CFL2: variants seen among roughly 807,000 people sequenced by gnomAD.
CFL2 encodes the protein cofilin-2.
CFL2 carries 10 observed loss-of-function variants against 19.6 expected under a neutral mutation model. That is an observed-to-expected ratio of 0.51 (90% CI 0.31 to 0.86). CFL2 has a LOEUF of 0.86. Ranked by LOEUF, CFL2 falls within the 40% of genes least tolerant of loss-of-function variation. CFL2 has a pLI of 0.04. For synonymous variants in CFL2, 63 were observed against 66.7 expected, an observed-to-expected ratio of 0.95 and a Z score of 0.27; for missense variants, 125 against 192.1, an observed-to-expected ratio of 0.65 and a Z score of 2.06.
At chr14:34,713,921 T>C (rs1885407021) in intron 1 of CFL2, 3 of 1,037,974 alleles carry the variant, frequency 2.9e-6, no homozygotes, top group Non-Finnish European at 2.7e-6. Context: ...AAAACACTTT[T>C]GGATTTCAGT....
rs929060891 is a variant in CFL2, at chr14:34,710,234, C to T, written c.*2631G>A. On this transcript the variant is annotated 3_prime_UTR_variant, in exon 4 of 4. Transcript: ENST00000298159. ...AACAGCTGATAGCCAGTTTGGGACA[C>T]ATGCCAACTGTTCCCATTTGTCTGA... The T allele has an allele frequency of 8.7e-5, 19 of 219,202 alleles. No individual in the cohort carries two copies. Among genetic ancestry groups the T allele is most frequent in the Non-Finnish European group, 6.5e-5 (7 of 108,148 alleles). 13.6% of individuals were successfully genotyped at this position (219,202 alleles called of 1,614,324 possible).
rs1489939381 is a variant in CFL2 at position 34,713,760 on chromosome 14, C to T, written c.4-199G>A. The stretch of plus-strand genomic sequence containing the variant: ...AGTCTAACTCATCCTGCCCATTCAT[C>T]CTTCTTAAAGGGGTTTGGACGTGGA... On this transcript the variant is annotated intron_variant, in intron 1 of 3. Coordinates refer to ENST00000298159, the MANE Select transcript of CFL2 (RefSeq NM_138638.5). 7 of 1,611,792 alleles carry T rather than the reference C, an allele frequency of 4.3e-6. No individual in the cohort carries two copies. The African/African-American group carries it at 8.0e-5, about 18-fold the overall frequency.
chr14:34,712,791 C>T lies in CFL2; in HGVS notation c.*74G>A, dbSNP rs1269653357. ...GGGGAAATACAACAAAAAACCAAAA[C>T]CTAATACTATTCCAATGGACTGAGC... On this transcript the variant is annotated 3_prime_UTR_variant, in exon 4 of 4. Coordinates refer to ENST00000298159, the MANE Select transcript of CFL2 (RefSeq NM_138638.5). The T allele has an allele frequency of 4.5e-6, 4 of 889,682 alleles. No individual in the cohort carries two copies. Among genetic ancestry groups the T allele is most frequent in the Non-Finnish European group, 7.7e-6 (4 of 518,788 alleles). 55.1% of individuals were successfully genotyped at this position (889,682 alleles called of 1,614,324 possible).
chr14:34,710,534 G>A lies in CFL2; in HGVS notation c.*2331C>T, dbSNP rs770890609. ...CTTCAATATTTTACTAATTAGCACC[G>A]TATACCTTTTAAAGCTAACTGGAAC... On this transcript the variant is annotated 3_prime_UTR_variant, in exon 4 of 4. Coordinates refer to ENST00000298159, the MANE Select transcript of CFL2 (RefSeq NM_138638.5). 3.0e-5 allele frequency: 13 copies of A among 440,076 alleles called. No homozygotes were observed. Among genetic ancestry groups the A allele is most frequent in the South Asian group, 1.3e-4 (8 of 60,444 alleles). 27.3% of individuals were successfully genotyped at this position (440,076 alleles called of 1,614,324 possible).
At chr14:34,714,019 C>T (rs1290183349) in intron 1 of CFL2, among the ~76,000 whole-genome samples, 1 of 152,168 alleles carries the variant, frequency 6.6e-6, no homozygotes, top group East Asian at 1.9e-4. Flanking sequence ...AACTCCAAAC[C>T]GCCCACGGCC....
In CFL2 at chr14:34,712,815, G is replaced by A. The variant is rs775818350; in HGVS notation, c.*50C>T. On this transcript the variant is annotated 3_prime_UTR_variant, in exon 4 of 4. Transcript: ENST00000298159. Reference sequence around the variant, plus strand: ...ACCTAATACTATTCCAATGGACTGAGCTGGAGAAATGGAAGCTCCTTAAGA... The same window carrying A: ...ACCTAATACTATTCCAATGGACTGAACTGGAGAAATGGAAGCTCCTTAAGA... 6 of 1,018,090 alleles carry A rather than the reference G, an allele frequency of 5.9e-6. No individual in the cohort carries two copies. The highest frequency in any genetic ancestry group is 9.4e-6 in the Non-Finnish European group (6 of 635,102). 63.1% of individuals were successfully genotyped at this position (1,018,090 alleles called of 1,614,324 possible).
intron 1 of CFL2, chr14:34,714,329 C>T (rs562404458): frequency 5.1e-6 from 4 of 776,922 alleles, no homozygotes; most frequent in Non-Finnish European, 7.2e-6. Flanking sequence ...GACGCCCGGG[C>T]CCTCCCCGCC....
chr14:34,714,574 G>C lies in CFL2; in HGVS notation c.-34C>G. 1 of 1,560,896 alleles carries C rather than the reference G, an allele frequency of 6.4e-7. No homozygotes were observed. The highest frequency in any genetic ancestry group is 8.7e-7 in the Non-Finnish European group (1 of 1,151,292). On this transcript the variant is annotated 5_prime_UTR_variant, in exon 1 of 4. Transcript: ENST00000298159. ...CGGCTGTGGCTGCGGCGGCAGCTCGGGCTTCGGCTCTGTGGCACTGGGAGG... is the reference window on the plus strand; with the variant it reads ...CGGCTGTGGCTGCGGCGGCAGCTCGCGCTTCGGCTCTGTGGCACTGGGAGG...
chr14:34,713,754 AT>A, intron 1 of CFL2, 193 bp from the exon 2 acceptor site: 1 of 1,612,030 alleles, frequency 6.2e-7, no homozygotes, highest in Non-Finnish European at 8.5e-7. Context: ...CATCCTGCCC[AT>A]TCATCCTTCT....
intron 1 of CFL2, 185 bp downstream of exon 1, chr14:34,714,353 A>C: frequency 1.0e-6 from 1 of 1,004,552 alleles, no homozygotes; most frequent in South Asian, 2.5e-5. Context: ...CAAAATCCAA[A>C]GAGCAGCAGG....
chr14:34,714,336 C>T (rs1885421656), intron 1 of CFL2: 2 of 878,784 alleles, frequency 2.3e-6, no homozygotes, highest in Non-Finnish European at 3.1e-6. Flanking sequence ...GGGCCCTCCC[C>T]GCCCCCCAAA....
intron 1 of CFL2, chr14:34,713,878 C>G (rs779686883): frequency 3.3e-5 from 48 of 1,444,248 alleles, no homozygotes; most frequent in Non-Finnish European, 4.2e-5. Flanking sequence ...GCAAAAATAC[C>G]TTCTGTATTG....
In CFL2 at chr14:34,711,528, A is replaced by G; in HGVS notation, c.*1337T>C. On this transcript the variant is annotated 3_prime_UTR_variant, in exon 4 of 4. Transcript: ENST00000298159. ...AATATATTCAGAAATAGTAGGTGAA[A>G]TGACTGTTCCGAAACATCAGAAGTA... The G allele has an allele frequency of 2.2e-6, 1 of 454,584 alleles. No homozygotes were observed. The highest frequency in any genetic ancestry group is 4.4e-6 in the Non-Finnish European group (1 of 226,802). 28.2% of individuals were successfully genotyped at this position (454,584 alleles called of 1,614,324 possible).
rs753788777 is a variant in CFL2, at chr14:34,712,925, C to CG, written c.440dup (p.Thr148AspfsTer15). The CG allele has an allele frequency of 6.2e-7, 1 of 1,612,014 alleles. No homozygotes were observed. The highest frequency in any genetic ancestry group is 8.5e-7 in the Non-Finnish European group (1 of 1,178,136). On this transcript the variant is annotated frameshift_variant, in exon 4 of 4. Transcript: ENST00000298159. LOFTEE classifies it high-confidence loss of function. The stretch of plus-strand genomic sequence containing the variant: ...TGCCTCCCAATTTCTCTCCAAGTGT[C>CG]GAACGGTCCTTAATATCATCCAAGC...
rs1042347844 is a variant in CFL2, at chr14:34,711,282, G to A, written c.*1583C>T. ...CGACTGACTGCTTACTAGCATGCCTGTTTTGCATACCAGTAGAATCAAGTC... is the reference window on the plus strand; with the variant it reads ...CGACTGACTGCTTACTAGCATGCCTATTTTGCATACCAGTAGAATCAAGTC... On this transcript the variant is annotated 3_prime_UTR_variant, in exon 4 of 4. Transcript: ENST00000298159. The A allele has an allele frequency of 9.7e-5, 44 of 454,542 alleles. No homozygotes were observed. Among genetic ancestry groups the A allele is most frequent in the Non-Finnish European group, 1.5e-4 (35 of 226,790 alleles). 28.2% of individuals were successfully genotyped at this position (454,542 alleles called of 1,614,324 possible). A position where few individuals can be genotyped will look rare whatever the true frequency, so the allele number is the denominator to read the frequency against.
In CFL2 at chr14:34,709,972, TAA is replaced by T. The variant is rs1175011167; in HGVS notation, c.*2891_*2892del. On this transcript the variant is annotated 3_prime_UTR_variant, in exon 4 of 4. Coordinates refer to ENST00000298159, the MANE Select transcript of CFL2 (RefSeq NM_138638.5). Reference sequence around the variant, plus strand: ...GACTGTTTTTTCTGAGTGGCAAACCTAAGAGTCTTCTCAACCTCTTGATGATT... The same window carrying T: ...GACTGTTTTTTCTGAGTGGCAAACCTGAGTCTTCTCAACCTCTTGATGATT... 1 of 152,354 alleles carries T rather than the reference TAA, an allele frequency of 6.6e-6. No homozygotes were observed. Among genetic ancestry groups the T allele is most frequent in the Non-Finnish European group, 1.5e-5 (1 of 68,162 alleles). 9.4% of individuals were successfully genotyped at this position (152,354 alleles called of 1,614,324 possible).
Position 34,712,590 on chromosome 14 carries a change from T to C in CFL2, c.*275A>G, listed in dbSNP as rs1397141628. On this transcript the variant is annotated 3_prime_UTR_variant, in exon 4 of 4. Transcript: ENST00000298159. ...ACATTGACGATCACATACATTGTAG[T>C]GCTTGCTGCAAGGGAGGCATATAAC... is the stretch of plus-strand genomic sequence containing the variant. 1 of 574,734 alleles carries C rather than the reference T, an allele frequency of 1.7e-6. No homozygotes were observed. The highest frequency in any genetic ancestry group is 1.8e-5 in the African/African-American group (1 of 54,392). The allele number at this position is 574,734 out of a possible 1,614,324, so 35.6% of individuals were successfully genotyped here.
At chr14:34,714,387 A>C in intron 1 of CFL2, 151 bp downstream of exon 1, 2 of 1,272,224 alleles carry the variant, frequency 1.6e-6, no homozygotes. Flanking sequence ...GCCGGAGGGC[A>C]GGCCGGTCGG....
At position 34,709,270 on chromosome 14, in the gene CFL2, G is replaced by A. The variant is rs553142906; in HGVS notation, c.*3595C>T. On this transcript the variant is annotated 3_prime_UTR_variant, in exon 4 of 4. Transcript: ENST00000298159. Reference sequence around the variant, plus strand: ...GGAAACATGGTAAACAGATATTACCGTTCCCATACTATGGGTTAAAAAACT... The same window carrying A: ...GGAAACATGGTAAACAGATATTACCATTCCCATACTATGGGTTAAAAAACT... The A allele has an allele frequency of 7.0e-4, 107 of 151,990 alleles. 2 individuals carry two copies. Among genetic ancestry groups the A allele is most frequent in the African/African-American group, 2.1e-3 (87 of 41,470 alleles). 9.4% of individuals were successfully genotyped at this position (151,990 alleles called of 1,614,324 possible).
Sources: gnomAD v4.1 joint callset for allele counts (sites outside exome capture counted in the v4.1 genomes callset) on GRCh38, gnomAD v4.1.1 for gene constraint, MANE v1.5 for transcripts, NCBI Gene and HGNC (gene_info 2026-07-23, HGNC 2026-07-21) for gene names.